PRKCE: variants seen among roughly 807,000 people sequenced by gnomAD.
The protein encoded by PRKCE is protein kinase C epsilon, also known as protein kinase C epsilon type.
Under a neutral mutation model 85.4 loss-of-function variants are expected in PRKCE, and 16 were observed. The observed-to-expected ratio is 0.19, with a 90% CI of 0.13 to 0.28. The LOEUF (loss-of-function observed/expected upper bound fraction) is 0.28, where lower values mean the gene tolerates loss of function less well. Among genes scored for constraint, PRKCE ranks in the 10% least tolerant of loss-of-function variants. The pLI is 1.00. For synonymous variants in PRKCE, 388 were observed against 371.5 expected (o/e 1.04, Z -0.51); for missense variants, 573 against 975.2 (o/e 0.59, Z 5.49).
chr2:45,989,315 T>C (rs1703607796), intron 6 of PRKCE, among the ~76,000 whole-genome samples: 1 of 152,204 alleles, frequency 6.6e-6, no homozygotes, highest in South Asian at 2.1e-4. Flanking sequence ...TCTTAATAAC[T>C]GCTCTGATCT....
At chr2:45,694,758 G>A (rs570428877) in intron 1 of PRKCE, among the ~76,000 whole-genome samples, 11 of 152,324 alleles carry the variant, frequency 7.2e-5, no homozygotes, top group African/African-American at 2.4e-4. Context: ...AAGCAATGTG[G>A]TGTGTCCATG....
intron 2 of PRKCE, among the ~76,000 whole-genome samples, chr2:45,870,790 G>A (rs1286470201): frequency 6.6e-6 from 1 of 152,196 alleles, no homozygotes; most frequent in African/African-American, 2.4e-5. Flanking sequence ...ACTTGTGAGT[G>A]GGGGTGCTAA....
chr2:45,928,479 G>C (rs1698796521), intron 2 of PRKCE, among the ~76,000 whole-genome samples: 2 of 152,140 alleles, frequency 1.3e-5, no homozygotes, highest in South Asian at 4.1e-4. Flanking sequence ...ATGTTGCCCA[G>C]ACTGGTCTCC....
intron 2 of PRKCE, among the ~76,000 whole-genome samples, chr2:45,860,115 C>T (rs1055049598): frequency 1.3e-5 from 2 of 152,126 alleles, no homozygotes; most frequent in Non-Finnish European, 2.9e-5. Flanking sequence ...AATGTAAGCT[C>T]CCGAGGACAA....
At chr2:45,695,897 T>C (rs1160423673) in intron 1 of PRKCE, among the ~76,000 whole-genome samples, 1 of 152,256 alleles carries the variant, frequency 6.6e-6, no homozygotes, top group Admixed American at 6.5e-5. Context: ...GAGTTTATTG[T>C]ACACATCAGT....
chr2:45,879,151 TG>T (rs1379593669), intron 2 of PRKCE, among the ~76,000 whole-genome samples: 3 of 152,082 alleles, frequency 2.0e-5, no homozygotes, highest in Non-Finnish European at 2.9e-5. Flanking sequence ...CAAGCTCCAC[TG>T]GCAGAGAGCA....
chr2:45,751,004 T>A (rs1683515176), intron 1 of PRKCE, among the ~76,000 whole-genome samples: 1 of 152,212 alleles, frequency 6.6e-6, no homozygotes, highest in Admixed American at 6.5e-5. Context: ...TCTCACTTGC[T>A]TTCCTTTCTG....
chr2:45,745,523 T>C (rs574298798), intron 1 of PRKCE, among the ~76,000 whole-genome samples: 3 of 152,354 alleles, frequency 2.0e-5, no homozygotes, highest in Non-Finnish European at 4.4e-5. Context: ...CTTGCTTTCT[T>C]GTTGAAACGA....
In PRKCE at chr2:45,655,419, ATTC is replaced by A. The variant is rs375684288; in HGVS notation, c.348+2978_348+2980del. 5.0e-3 allele frequency among the ~76,000 whole-genome samples: 753 copies of A among 152,060 alleles called. 2 individuals are homozygous for A. Among genetic ancestry groups the A allele is most frequent in the African/African-American group, 0.016 (668 of 41,462 alleles). ...TGTATTTTATGTGTGGCCCAAGACAATTCTTCTTCCGATGTGGCCCAGGGAAGC... is the reference window on the plus strand; with the variant it reads ...TGTATTTTATGTGTGGCCCAAGACAATTCTTCCGATGTGGCCCAGGGAAGC... On this transcript the variant is annotated intron_variant, in intron 1 of 14. Coordinates refer to ENST00000306156, the MANE Select transcript of PRKCE (RefSeq NM_005400.3).
chr2:45,933,749 T>C (rs144264273), intron 2 of PRKCE, among the ~76,000 whole-genome samples: 305 of 152,270 alleles, frequency 2.0e-3, no homozygotes, highest in Middle Eastern at 6.8e-3. Context: ...GTGCTGGGAT[T>C]ACAGGCGTGA....
chr2:45,700,844 T>G (rs575683781), intron 1 of PRKCE, among the ~76,000 whole-genome samples: 60 of 152,304 alleles, frequency 3.9e-4, no homozygotes, highest in South Asian at 8.3e-4. Context: ...CAGAGGCAGA[T>G]GCAGGGAGAG....
intron 10 of PRKCE, among the ~76,000 whole-genome samples, chr2:46,054,200 A>T (rs1233813444): frequency 6.6e-6 from 1 of 152,196 alleles, no homozygotes; most frequent in Non-Finnish European, 1.5e-5. Flanking sequence ...TACTGTTATT[A>T]CTTCTGTATT....
intron 2 of PRKCE, among the ~76,000 whole-genome samples, chr2:45,929,023 T>C (rs1318169370): frequency 6.6e-6 from 1 of 152,208 alleles, no homozygotes; most frequent in Non-Finnish European, 1.5e-5. Context: ...GCGTTCTTTC[T>C]TCTTTCCCCT....
At chr2:46,019,216 A>G (rs1302962309) in intron 10 of PRKCE, among the ~76,000 whole-genome samples, 2 of 152,234 alleles carry the variant, frequency 1.3e-5, no homozygotes, top group Non-Finnish European at 2.9e-5. Flanking sequence ...GCCACTGACT[A>G]TGTGGAGTTT....
intron 10 of PRKCE, among the ~76,000 whole-genome samples, chr2:46,039,554 G>A (rs1708098086): frequency 6.6e-6 from 1 of 151,892 alleles, no homozygotes; most frequent in Non-Finnish European, 1.5e-5. Flanking sequence ...TTTAGTAGAG[G>A]GGGAGGGGAG....
chr2:45,914,012 C>T (rs1240571490), intron 2 of PRKCE, among the ~76,000 whole-genome samples: 1 of 152,190 alleles, frequency 6.6e-6, no homozygotes, highest in Non-Finnish European at 1.5e-5. Flanking sequence ...CTTAATGGAG[C>T]CTAGTACTTT....
At chr2:46,003,533 G>A (rs1052492313) in intron 7 of PRKCE, among the ~76,000 whole-genome samples, 7 of 152,166 alleles carry the variant, frequency 4.6e-5, no homozygotes, top group Admixed American at 2.0e-4. Flanking sequence ...TAAAAGTGCC[G>A]GACAGAGTCT....
rs966845094 is a variant in PRKCE, at chr2:46,159,252, C to T, written c.1921-354C>T. 6.6e-6 allele frequency among the ~76,000 whole-genome samples: 1 copy of T among 152,172 alleles called. No individual in the cohort carries two copies. Among genetic ancestry groups the T allele is most frequent in the East Asian group, 1.9e-4 (1 of 5,198 alleles). ...AGGGGGATCACAGAGTCAGTAAGAG[C>T]CAGAGTGCATAATCCCAGCTTGGTC... is the stretch of plus-strand genomic sequence containing the variant. On this transcript the variant is annotated intron_variant, in intron 13 of 14. Coordinates refer to ENST00000306156, the MANE Select transcript of PRKCE (RefSeq NM_005400.3). This position sits in a 1 kb window ranked among gnomAD's most constrained non-coding sequence, Gnocchi z 4.1.
chr2:45,725,247 T>C (rs996384099), intron 1 of PRKCE, among the ~76,000 whole-genome samples: 1 of 152,198 alleles, frequency 6.6e-6, no homozygotes, highest in Non-Finnish European at 1.5e-5. Flanking sequence ...GTTTACTGAA[T>C]ATTTTAGCCC....
Sources: allele counts gnomAD v4.1 joint callset (sites outside exome capture counted in the v4.1 genomes callset), GRCh38; gene constraint gnomAD v4.1.1; non-coding constraint Gnocchi (gnomAD v3.1); transcripts MANE v1.5; gene names NCBI Gene and HGNC (gene_info 2026-07-23, HGNC 2026-07-21).